The following MAP2K7 variants were observed in gnomAD, a reference collection of about 807,000 sequenced individuals.
MAP2K7 encodes mitogen-activated protein kinase kinase 7.
A neutral mutation model predicts 47.7 loss-of-function variants in MAP2K7; 12 were observed. The observed-to-expected ratio is 0.25, with a 90% CI of 0.16 to 0.41. The LOEUF is 0.41. Ranked by LOEUF, MAP2K7 falls within the 10% of genes least tolerant of loss-of-function variation. MAP2K7 has a pLI of 1.00. For missense variants in MAP2K7, 415 were observed against 600.3 expected, an observed-to-expected ratio of 0.69 and a Z score of 3.23; for synonymous variants, 299 against 243.0, an observed-to-expected ratio of 1.23 and a Z score of -2.14.
chr19:7,908,968 C>T (rs915724916), intron 1 of MAP2K7, among the ~76,000 whole-genome samples: 1 of 152,178 alleles, frequency 6.6e-6, no homozygotes, highest in Non-Finnish European at 1.5e-5. Flanking sequence ...CCTGCCCACC[C>T]GCTGTAGCAT....
Position 7,903,894 on chromosome 19 carries a change from C to CCGGACTGA in MAP2K7, c.-47_-40dup, listed in dbSNP as rs773537415. 7.5e-5 allele frequency: 106 copies of CCGGACTGA among 1,404,748 alleles called. No homozygotes were observed. Among genetic ancestry groups the CCGGACTGA allele is most frequent in the Non-Finnish European group, 9.6e-5 (102 of 1,057,964 alleles). The allele number at this position is 1,404,748 out of a possible 1,614,324, so 87.0% of individuals were successfully genotyped here. A position where few individuals can be genotyped will look rare whatever the true frequency, so the allele number is the denominator to read the frequency against. On this transcript the variant is annotated 5_prime_UTR_variant, in exon 1 of 11. Transcript: ENST00000397979. Reference sequence around the variant, plus strand: ...GCAGGCGCAGTGCGGTGTTTGTCTGCCGGACTGACGGGCGGCCGGGCGGTG... The same window carrying CCGGACTGA: ...GCAGGCGCAGTGCGGTGTTTGTCTGCCGGACTGACGGACTGACGGGCGGCCGGGCGGTG...
At chr19:7,905,802 A>G (rs1982411064) in intron 1 of MAP2K7, 1 of 1,609,156 alleles carries the variant, frequency 6.2e-7, no homozygotes, top group Non-Finnish European at 8.5e-7. Flanking sequence ...CCTTTTCCCC[A>G]TCCAGTTATT....
At position 7,912,762 on chromosome 19, in the gene MAP2K7, C is replaced by T. The variant is rs934830762; in HGVS notation, c.*331C>T. 17 of 379,418 alleles carry T rather than the reference C, an allele frequency of 4.5e-5. No individual in the cohort carries two copies. Among genetic ancestry groups the T allele is most frequent in the African/African-American group, 2.3e-4 (11 of 48,274 alleles). The allele number at this position is 379,418 out of a possible 1,614,324, so 23.5% of individuals were successfully genotyped here. A position where few individuals can be genotyped will look rare whatever the true frequency, so the allele number is the denominator to read the frequency against. On this transcript the variant is annotated 3_prime_UTR_variant, in exon 11 of 11. Coordinates refer to ENST00000397979, the MANE Select transcript of MAP2K7 (RefSeq NM_145185.4). Reference sequence around the variant, plus strand: ...GGGCCAGGAGAGAGCCCTGGAGTCCCGCAGCCACCATGCACGCTCCCAGCG... The same window carrying T: ...GGGCCAGGAGAGAGCCCTGGAGTCCTGCAGCCACCATGCACGCTCCCAGCG...
chr19:7,904,667 G>T, intron 1 of MAP2K7: 1 of 163,296 alleles, frequency 6.1e-6, no homozygotes, highest in Non-Finnish European at 1.4e-5. Flanking sequence ...TCCCCCTCTT[G>T]GCGACAGTGA....
intron 9 of MAP2K7, 145 bp from the exon 10 acceptor site, chr19:7,912,004 C>T: frequency 1.4e-6 from 1 of 716,468 alleles, no homozygotes. Context: ...CCGCTGTCAG[C>T]CGGGGTCCTG....
chr19:7,910,678 G>C lies in MAP2K7; in HGVS notation c.568-18G>C. The stretch of plus-strand genomic sequence containing the variant: ...GGGCCGGAAGACACAGCTCCCCCGG[G>C]TGCCCCTCTCCCTGCAGACGGACGT... On this transcript the variant is annotated intron_variant, in intron 5 of 10. Coordinates refer to ENST00000397979, the MANE Select transcript of MAP2K7 (RefSeq NM_145185.4). 1.2e-6 allele frequency: 2 copies of C among 1,606,820 alleles called. No individual in the cohort carries two copies. Among genetic ancestry groups the C allele is most frequent in the South Asian group, 2.2e-5 (2 of 90,760 alleles).
At chr19:7,909,972 G>A in intron 2 of MAP2K7, 76 bp downstream of exon 2, 2 of 1,508,954 alleles carry the variant, frequency 1.3e-6, no homozygotes, top group South Asian at 1.3e-5. Context: ...GAGGAGGGTG[G>A]TTAAACCGGT....
In MAP2K7 at chr19:7,909,896, G is replaced by T; in HGVS notation, c.266G>T (p.Ser89Ile). The change falls in exon 2 of 11, where the codon AGC (serine) becomes ATC (isoleucine). Residue 89 changes from serine (S) to isoleucine (I), a missense_variant and splice_region_variant. Ser to Ile is a moderately radical substitution (Grantham distance 142, BLOSUM62 -2). Coordinates refer to ENST00000397979, the MANE Select transcript of MAP2K7 (RefSeq NM_145185.4). Reference protein sequence around the residue: ...STLFTPRSMESIEIDQKLQEI... With the variant: ...STLFTPRSMEIIEIDQKLQEI... Reference sequence around the variant, plus strand: ...CTGTTCACACCCCGCAGCATGGAGAGGTGAGCCAGGGGCCCAGCAGGGTTG... The same window carrying T: ...CTGTTCACACCCCGCAGCATGGAGATGTGAGCCAGGGGCCCAGCAGGGTTG... 1 of 1,515,012 alleles carries T rather than the reference G, an allele frequency of 6.6e-7. No homozygotes were observed. 93.8% of individuals were successfully genotyped at this position (1,515,012 alleles called of 1,614,324 possible).
At chr19:7,912,061 G>T in intron 9 of MAP2K7, 88 bp from the exon 10 acceptor site, 1 of 1,258,944 alleles carries the variant, frequency 7.9e-7, no homozygotes. Flanking sequence ...GGGACCCCTG[G>T]CCCCTTGGGG....
intron 1 of MAP2K7, chr19:7,904,427 A>G (rs890468408): frequency 2.6e-6 from 1 of 378,744 alleles, no homozygotes; most frequent in Non-Finnish European, 5.3e-6. Flanking sequence ...TGTTGACCTG[A>G]TGCTACCACT....
At chr19:7,904,703 C>T (rs1004119175) in intron 1 of MAP2K7, among the ~76,000 whole-genome samples, 3 of 152,102 alleles carry the variant, frequency 2.0e-5, no homozygotes, top group Non-Finnish European at 2.9e-5. Context: ...CAGCAGACCC[C>T]CTCCCACATA....
chr19:7,907,463 G>A (rs540916769), intron 1 of MAP2K7, among the ~76,000 whole-genome samples: 6 of 152,292 alleles, frequency 3.9e-5, no homozygotes, highest in Admixed American at 2.6e-4. Context: ...GGCTCCTGTC[G>A]GCAGACACGT....
Position 7,911,326 on chromosome 19 carries a change from C to T in MAP2K7, c.932C>T (p.Ser311Leu), listed in dbSNP as rs1046459698. Residue 311 changes from serine (S) to leucine (L), a missense_variant, in exon 8 of 11, where the codon TCG (serine) becomes TTG (leucine). This residue lies in a region of MAP2K7 where 206 missense variants were observed against 368.8 expected (regional missense o/e 0.56). Transcript: ENST00000397979. ...GCCGACGTATGGAGCCTGGGCATCT[C>T]GTTGGTGAGTTGGGGCCCTCCCCTG... ...IRADVWSLGI[S>L]LVELATGQFP... The T allele has an allele frequency of 1.9e-6, 3 of 1,613,446 alleles. No individual in the cohort carries two copies. Among genetic ancestry groups the T allele is most frequent in the Non-Finnish European group, 2.5e-6 (3 of 1,180,000 alleles).
At chr19:7,904,194 C>A (rs919500008) in intron 1 of MAP2K7, 126 bp downstream of exon 1, 5 of 798,102 alleles carry the variant, frequency 6.3e-6, no homozygotes, top group South Asian at 5.9e-5. Context: ...CCGCCCCCCC[C>A]GCTGCGGGCT....
In MAP2K7 at chr19:7,909,793, T is replaced by A; in HGVS notation, c.163T>A (p.Ser55Thr). ...GCTGGCCAACGATGGGGGCAGCCGC[T>A]CGCCATCCTCAGAGAGCTCCCCGCA... ...LPLANDGGSR[S>T]PSSESSPQHP... The change falls in exon 2 of 11, where the codon TCG (serine) becomes ACG (threonine). Residue 55 changes from serine (S) to threonine (T), a missense_variant. Physicochemically the swap from Ser to Thr is moderately conservative, Grantham distance 58 (BLOSUM62 1). Transcript: ENST00000397979. 1 of 1,542,338 alleles carries A rather than the reference T, an allele frequency of 6.5e-7. No homozygotes were observed. Among genetic ancestry groups the A allele is most frequent in the Non-Finnish European group, 8.7e-7 (1 of 1,146,068 alleles).
rs1982954798 is a variant in MAP2K7, at chr19:7,912,473, GCCA to G, written c.*44_*46del. On this transcript the variant is annotated 3_prime_UTR_variant, in exon 11 of 11. Transcript: ENST00000397979. Reference sequence around the variant, plus strand: ...AGCCCCACAGGGGGCCAGGGGCATGGCCACAGGCCCCCCTCCCCACTTGGCCAC... The same window carrying G: ...AGCCCCACAGGGGGCCAGGGGCATGGCAGGCCCCCCTCCCCACTTGGCCAC... 6.4e-7 allele frequency: 1 copy of G among 1,571,578 alleles called. No individual in the cohort carries two copies. The highest frequency in any genetic ancestry group is 1.8e-5 in the Admixed American group (1 of 54,754).
chr19:7,906,348 G>T (rs1982456985), intron 1 of MAP2K7: 1 of 156,756 alleles, frequency 6.4e-6, no homozygotes, highest in African/African-American at 2.4e-5. Flanking sequence ...GCTGCAATAG[G>T]GGGGCCCACT....
chr19:7,908,306 T>G (rs1002715956), intron 1 of MAP2K7, among the ~76,000 whole-genome samples: 2 of 152,086 alleles, frequency 1.3e-5, no homozygotes, highest in East Asian at 3.9e-4. Context: ...CCCAGAGCCC[T>G]TCCCCTGCTC....
Position 7,912,456 on chromosome 19 carries a change from A to C in MAP2K7, c.*25A>C. 2 of 1,595,870 alleles carry C rather than the reference A, an allele frequency of 1.3e-6. No homozygotes were observed. The highest frequency in any genetic ancestry group is 4.5e-5 in the East Asian group (2 of 44,454). On this transcript the variant is annotated 3_prime_UTR_variant, in exon 11 of 11. Coordinates refer to ENST00000397979, the MANE Select transcript of MAP2K7 (RefSeq NM_145185.4). Reference sequence around the variant, plus strand: ...GCTGCTTGGCGGCGGCCAGCCCCACAGGGGGCCAGGGGCATGGCCACAGGC... The same window carrying C: ...GCTGCTTGGCGGCGGCCAGCCCCACCGGGGGCCAGGGGCATGGCCACAGGC...
Sources: allele counts gnomAD v4.1 joint callset (sites outside exome capture counted in the v4.1 genomes callset), GRCh38; gene constraint gnomAD v4.1.1; regional missense constraint gnomAD v4.1.1; transcripts MANE v1.5; gene names NCBI Gene and HGNC (gene_info 2026-07-23, HGNC 2026-07-21).